The following DPP10 variants were observed in gnomAD, a reference collection of about 807,000 sequenced individuals.
DPP10 encodes inactive dipeptidyl peptidase 10.
A neutral mutation model predicts 120.9 loss-of-function variants in DPP10; 33 were observed. That is an observed-to-expected ratio of 0.27 (90% CI 0.21 to 0.37). The LOEUF is 0.37. Among genes scored for constraint, DPP10 ranks in the 10% least tolerant of loss-of-function variants. The pLI, the probability that DPP10 is intolerant of heterozygous loss-of-function variation, is 1.00. For synonymous variants in DPP10, 337 were observed against 326.1 expected (o/e 1.03, Z -0.36); for missense variants, 816 against 942.8 (o/e 0.87, Z 1.76).
intron 8 of DPP10, among the ~76,000 whole-genome samples, chr2:115,737,905 C>A (rs568189973): frequency 6.6e-6 from 1 of 152,104 alleles, no homozygotes; most frequent in Non-Finnish European, 1.5e-5. Context: ...ATTTGTCTCC[C>A]TTTCTCTACC....
chr2:115,276,702 T>C (rs908488180), intron 1 of DPP10, among the ~76,000 whole-genome samples: 1 of 152,238 alleles, frequency 6.6e-6, no homozygotes, highest in African/African-American at 2.4e-5. Flanking sequence ...ATCATCTTTA[T>C]TGGTGGCACT....
intron 24 of DPP10, among the ~76,000 whole-genome samples, chr2:115,840,318 G>GT (rs1559227733): frequency 7.2e-4 from 23 of 31,884 alleles, no homozygotes; most frequent in African/African-American, 2.2e-3. Flanking sequence ...AAGGTTTTTT[G>GT]GTTTTTTTTT....
chr2:115,760,769 G>A (rs1680015951), intron 11 of DPP10, among the ~76,000 whole-genome samples: 1 of 152,158 alleles, frequency 6.6e-6, no homozygotes, highest in African/African-American at 2.4e-5. Context: ...TGTTCTGGAT[G>A]GTTTTTATTC....
intron 3 of DPP10, among the ~76,000 whole-genome samples, chr2:115,396,352 A>G (rs1009675243): frequency 7.2e-5 from 11 of 152,302 alleles, no homozygotes; most frequent in African/African-American, 2.2e-4. Flanking sequence ...GTATATTACT[A>G]TGTTAGGTGA....
At chr2:115,484,556 T>C (rs980845470) in intron 3 of DPP10, among the ~76,000 whole-genome samples, 6 of 152,042 alleles carry the variant, frequency 3.9e-5, no homozygotes, top group Non-Finnish European at 7.4e-5. Context: ...CTGGAAAATA[T>C]AGTTTTGGTT....
At chr2:115,405,404 G>A (rs1214001635) in intron 3 of DPP10, among the ~76,000 whole-genome samples, 2 of 152,196 alleles carry the variant, frequency 1.3e-5, no homozygotes, top group African/African-American at 4.8e-5. Flanking sequence ...TTTGCTGGGT[G>A]TAGCCCGTGT....
intron 1 of DPP10, among the ~76,000 whole-genome samples, chr2:114,885,337 C>T (rs368128100): frequency 6.6e-6 from 1 of 152,012 alleles, no homozygotes; most frequent in Non-Finnish European, 1.5e-5. Context: ...AGGACAGCGC[C>T]GAGGGGATAA....
At chr2:114,606,087 G>T (rs1372597693) in intron 1 of DPP10, among the ~76,000 whole-genome samples, 1 of 152,068 alleles carries the variant, frequency 6.6e-6, no homozygotes, top group Non-Finnish European at 1.5e-5. Context: ...CACCATAAAA[G>T]ATATTTAGTA....
intron 1 of DPP10, among the ~76,000 whole-genome samples, chr2:115,076,627 G>T (rs2104470229): frequency 6.6e-6 from 1 of 152,186 alleles, no homozygotes; most frequent in Non-Finnish European, 1.5e-5. Flanking sequence ...TGAACCTCTT[G>T]CTTTTTTACT....
At chr2:115,260,652 A>T (rs573068768) in intron 1 of DPP10, among the ~76,000 whole-genome samples, 12 of 152,326 alleles carry the variant, frequency 7.9e-5, no homozygotes, top group Middle Eastern at 3.4e-3. Context: ...GTCTATCCTA[A>T]CTATAGTAGT....
chr2:114,561,014 G>T (rs532869442), intron 1 of DPP10, among the ~76,000 whole-genome samples: 1 of 152,306 alleles, frequency 6.6e-6, no homozygotes, highest in East Asian at 1.9e-4. Context: ...CCATCCAGCA[G>T]GGAATCCTAA....
At chr2:114,933,871 C>T (rs147248590) in intron 1 of DPP10, among the ~76,000 whole-genome samples, 77 of 152,204 alleles carry the variant, frequency 5.1e-4, no homozygotes, top group African/African-American at 1.8e-3. Context: ...ATGCTGGTGT[C>T]GTTAGTCACC....
intron 1 of DPP10, among the ~76,000 whole-genome samples, chr2:115,098,922 C>T (rs2048537721): frequency 6.6e-6 from 1 of 152,014 alleles, no homozygotes; most frequent in Non-Finnish European, 1.5e-5. Context: ...ACTTCTCAGG[C>T]CTTACCTGTT....
At chr2:114,748,197 T>C (rs1318859744) in intron 1 of DPP10, among the ~76,000 whole-genome samples, 1 of 151,914 alleles carries the variant, frequency 6.6e-6, no homozygotes, top group Non-Finnish European at 1.5e-5. Flanking sequence ...TCGTTTTTGT[T>C]TTTTTGTTTT....
At chr2:114,534,861 T>C (rs1424564087) in intron 1 of DPP10, among the ~76,000 whole-genome samples, 1 of 152,194 alleles carries the variant, frequency 6.6e-6, no homozygotes, top group Non-Finnish European at 1.5e-5. Context: ...CTTCCCTTTA[T>C]CTGCCTCTCC....
chr2:115,766,952 A>G (rs761900159), intron 12 of DPP10, among the ~76,000 whole-genome samples: 1 of 152,184 alleles, frequency 6.6e-6, no homozygotes, highest in Non-Finnish European at 1.5e-5. Context: ...CCCAGCTCCA[A>G]CACTGGGGAT....
At chr2:115,194,023 C>G (rs1422271716) in intron 1 of DPP10, among the ~76,000 whole-genome samples, 2 of 152,134 alleles carry the variant, frequency 1.3e-5, no homozygotes. Context: ...CTTTTTCTAA[C>G]AAAATAGCCT....
At chr2:114,776,937 A>C (rs1681798970) in intron 1 of DPP10, among the ~76,000 whole-genome samples, 1 of 152,110 alleles carries the variant, frequency 6.6e-6, no homozygotes, top group South Asian at 2.1e-4. Context: ...ATTAAAAAAA[A>C]GAAGGCATAA....
intron 1 of DPP10, among the ~76,000 whole-genome samples, chr2:114,695,812 A>G (rs1375598771): frequency 6.6e-6 from 1 of 152,078 alleles, no homozygotes; most frequent in Non-Finnish European, 1.5e-5. Flanking sequence ...TTTATTATCA[A>G]CTGAACCTAT....
Sources: allele counts gnomAD v4.1 joint callset (sites outside exome capture counted in the v4.1 genomes callset), GRCh38; gene constraint gnomAD v4.1.1; transcripts MANE v1.5; gene names NCBI Gene and HGNC (gene_info 2026-07-23, HGNC 2026-07-21).